ANKRD52: variants seen among roughly 807,000 people sequenced by gnomAD.
The protein encoded by ANKRD52 is serine/threonine-protein phosphatase 6 regulatory ankyrin repeat subunit C.
ANKRD52 carries 7 observed loss-of-function variants against 116.0 expected under a neutral mutation model. The observed-to-expected ratio is 0.06, with a 90% confidence interval of 0.03 to 0.11. ANKRD52 has a LOEUF of 0.11. ANKRD52 is among the 10% of genes least tolerant of loss of function. The probability of loss-of-function intolerance (pLI) is 1.00; values close to 1 mark genes in which losing one functional copy is unlikely to be tolerated. For missense variants in ANKRD52, 839 were observed against 1,408.6 expected, an observed-to-expected ratio of 0.60 and a Z score of 6.47; for synonymous variants, 528 against 578.1, an observed-to-expected ratio of 0.91 and a Z score of 1.24.
rs759376028 is a variant in ANKRD52, at chr12:56,248,714, C to A, written c.1704+45G>T. 6.5e-7 allele frequency: 1 copy of A among 1,544,614 alleles called. No homozygotes were observed. On this transcript the variant is annotated intron_variant, in intron 16 of 27. Coordinates refer to ENST00000267116, the MANE Select transcript of ANKRD52 (RefSeq NM_173595.4). This position sits in a 1 kb window ranked among gnomAD's most constrained non-coding sequence, Gnocchi z 5.1. ...AGTTTTGGAATCCACAAACCCTGTGCCCTGCCCCTGCCTCCCCTCCTGCAG... is the reference window on the plus strand; with the variant it reads ...AGTTTTGGAATCCACAAACCCTGTGACCTGCCCCTGCCTCCCCTCCTGCAG...
rs376409871 is a variant in ANKRD52, at chr12:56,252,738, C to T, written c.1301+42G>A. ...AGAATGAGGGGCCCAGACCTTTGCCCAGCTCCCTGCTCAAAGCATGGGAGA... is the reference window on the plus strand; with the variant it reads ...AGAATGAGGGGCCCAGACCTTTGCCTAGCTCCCTGCTCAAAGCATGGGAGA... On this transcript the variant is annotated intron_variant, in intron 12 of 27. Transcript: ENST00000267116. This position sits in a 1 kb window ranked among gnomAD's most constrained non-coding sequence, Gnocchi z 4.7. 32 of 1,598,428 alleles carry T rather than the reference C, an allele frequency of 2.0e-5. 1 individual carries two copies. The highest frequency in any genetic ancestry group is 1.3e-4 in the East Asian group (6 of 44,752).
Position 56,242,417 on chromosome 12 carries a change from A to T in ANKRD52, c.*725T>A. 6 of 328,050 alleles carry T rather than the reference A, an allele frequency of 1.8e-5. No homozygotes were observed. Among genetic ancestry groups the T allele is most frequent in the Non-Finnish European group, 3.3e-5 (6 of 181,676 alleles). 20.3% of individuals were successfully genotyped at this position (328,050 alleles called of 1,614,324 possible). On this transcript the variant is annotated 3_prime_UTR_variant, in exon 28 of 28. Coordinates refer to ENST00000267116, the MANE Select transcript of ANKRD52 (RefSeq NM_173595.4). The surrounding 1 kb of genome is among the most constrained non-coding windows in gnomAD (Gnocchi z 4.3). Reference sequence around the variant, plus strand: ...GGTTAGGGGCCAGGCTAGGAGTGGGAGGGAATGGGGAGGGGGCAGGCTGTG... The same window carrying T: ...GGTTAGGGGCCAGGCTAGGAGTGGGTGGGAATGGGGAGGGGGCAGGCTGTG...
In ANKRD52 at chr12:56,248,780, G is replaced by T; in HGVS notation, c.1683C>A (p.Gly561=). The part of the protein sequence containing the change: ...YTAVHYAAAY[G]NRQNLELLLE... ...ATACCAGTTCGAGGTTCTGTCTGTT[G>T]CCATAGGCGGCTGCATAGTGCACAG... The change falls in exon 16 of 28, where the codon GGC becomes GGA. Residue 561 remains glycine (G), a synonymous_variant. Transcript: ENST00000267116. This position sits in a 1 kb window ranked among gnomAD's most constrained non-coding sequence, Gnocchi z 5.1. The T allele has an allele frequency of 6.2e-7, 1 of 1,610,546 alleles. No individual in the cohort carries two copies. Among genetic ancestry groups the T allele is most frequent in the South Asian group, 1.1e-5 (1 of 90,590 alleles).
chr12:56,252,424 A>T lies in ANKRD52; in HGVS notation c.1370+78T>A. The stretch of plus-strand genomic sequence containing the variant: ...TAACATTCTCCTTATTTAAGTCTCC[A>T]ATCTAAACCCTTCCTCCCTCTACCA... On this transcript the variant is annotated intron_variant, in intron 13 of 27. Coordinates refer to ENST00000267116, the MANE Select transcript of ANKRD52 (RefSeq NM_173595.4). The surrounding 1 kb of genome is among the most constrained non-coding windows in gnomAD (Gnocchi z 4.7). The T allele has an allele frequency of 1.1e-5, 18 of 1,593,220 alleles. No individual in the cohort carries two copies. Among genetic ancestry groups the T allele is most frequent in the Non-Finnish European group, 1.5e-5 (17 of 1,161,840 alleles).
chr12:56,247,512 C>A lies in ANKRD52; in HGVS notation c.2165G>T (p.Arg722Leu). 1.9e-6 allele frequency: 3 copies of A among 1,584,952 alleles called. No individual in the cohort carries two copies. Among genetic ancestry groups the A allele is most frequent in the Non-Finnish European group, 1.7e-6 (2 of 1,164,866 alleles). ...STADAADLRG[R>L]TALHRGAVTG... ...ACTCACCCCGCGGTGGAGGGCAGTG[C>A]GGCCCCGGAGGTCAGCAGCATCAGC... Residue 722 changes from arginine (R) to leucine (L), a missense_variant, in exon 20 of 28, where the codon CGC becomes CTC. Coordinates refer to ENST00000267116, the MANE Select transcript of ANKRD52 (RefSeq NM_173595.4).
Position 56,255,398 on chromosome 12 carries a change from G to A in ANKRD52, c.462+386C>T, listed in dbSNP as rs554746407. 6.6e-6 allele frequency among the ~76,000 whole-genome samples: 1 copy of A among 152,262 alleles called. No individual in the cohort carries two copies. Among genetic ancestry groups the A allele is most frequent in the Non-Finnish European group, 1.5e-5 (1 of 68,018 alleles). On this transcript the variant is annotated intron_variant, in intron 5 of 27. Coordinates refer to ENST00000267116, the MANE Select transcript of ANKRD52 (RefSeq NM_173595.4). The surrounding 1 kb of genome is among the most constrained non-coding windows in gnomAD (Gnocchi z 4.3). ...GTAGAGACAGGGTTTCACCATGTTA[G>A]CCAGGATGATCTCGATCTCCTGATC...
rs1480182815 is a variant in ANKRD52 at position 56,243,637 on chromosome 12, A to G, written c.2980+148T>C. ...TCCTGACCCTGCAGGCTCCCCTCTG[A>G]GACTCCAGAGTACTGGTGTGGGCTC... On this transcript the variant is annotated intron_variant, in intron 27 of 27. Coordinates refer to ENST00000267116, the MANE Select transcript of ANKRD52 (RefSeq NM_173595.4). The surrounding 1 kb of genome is among the most constrained non-coding windows in gnomAD (Gnocchi z 4.6). The G allele has an allele frequency of 6.1e-6, 6 of 977,948 alleles. No individual in the cohort carries two copies. Among genetic ancestry groups the G allele is most frequent in the Non-Finnish European group, 9.0e-6 (6 of 669,426 alleles). The allele number at this position is 977,948 out of a possible 1,614,324, so 60.6% of individuals were successfully genotyped here. A position where few individuals can be genotyped will look rare whatever the true frequency, so the allele number is the denominator to read the frequency against.
rs754428197 is a variant in ANKRD52 at position 56,255,814 on chromosome 12, C to T, written c.432G>A (p.Leu144=). 5.7e-6 allele frequency: 9 copies of T among 1,584,294 alleles called. No individual in the cohort carries two copies. Among genetic ancestry groups the T allele is most frequent in the Non-Finnish European group, 7.7e-6 (9 of 1,165,834 alleles). Residue 144 remains leucine (L), a synonymous_variant, in exon 5 of 28, where the codon CTG becomes CTA. Coordinates refer to ENST00000267116, the MANE Select transcript of ANKRD52 (RefSeq NM_173595.4). This position sits in a 1 kb window ranked among gnomAD's most constrained non-coding sequence, Gnocchi z 4.3. Reference sequence around the variant, plus strand: ...GATGCCCACTATGCACTGCATGGTGCAGAGCACTGCGCCCGCTCCTGTCAG... The same window carrying T: ...GATGCCCACTATGCACTGCATGGTGTAGAGCACTGCGCCCGCTCCTGTCAG... ...NVADRSGRSA[L]HHAVHSGHLE...
chr12:56,247,896 T>C (rs961112697), intron 18 of ANKRD52, 122 bp from the exon 19 acceptor site: 51 of 1,356,628 alleles, frequency 3.8e-5, no homozygotes, highest in Non-Finnish European at 2.0e-5. Context: ...TCTCTGAGGA[T>C]AGGAAGCTAT....
In ANKRD52 at chr12:56,254,573, C is replaced by T; in HGVS notation, c.693+5G>A. The T allele has an allele frequency of 1.9e-6, 3 of 1,613,256 alleles. No homozygotes were observed. The highest frequency in any genetic ancestry group is 2.5e-6 in the Non-Finnish European group (3 of 1,179,626). On this transcript the variant is annotated splice_donor_5th_base_variant and intron_variant, in intron 7 of 27. Transcript: ENST00000267116. This position sits in a 1 kb window ranked among gnomAD's most constrained non-coding sequence, Gnocchi z 4.6. ...GTTCCCAACCCCAGAGCTCAAAGCC[C>T]TGACCTCCGCTCCCATCCGAAGCAG...
At chr12:56,247,121 G>GA (rs1408425259) in intron 20 of ANKRD52, among the ~76,000 whole-genome samples, 5 of 151,002 alleles carry the variant, frequency 3.3e-5, no homozygotes, top group Non-Finnish European at 5.9e-5. Flanking sequence ...AAGGTGGGGG[G>GA]ATCACTTGAA....
Position 56,257,088 on chromosome 12 carries a change from G to A in ANKRD52, c.191-3C>T, listed in dbSNP as rs147845834. 4.8e-3 allele frequency: 7,664 copies of A among 1,611,848 alleles called. 19 individuals carry two copies. Among genetic ancestry groups the A allele is most frequent in the Non-Finnish European group, 5.5e-3 (6,543 of 1,179,068 alleles). ...GTCCTTAGCATTGACATTAGCACCT[G>A]TGGGGATATAATTTCCTATTTTGAT... is the stretch of plus-strand genomic sequence containing the variant. On this transcript the variant is annotated splice_region_variant and splice_polypyrimidine_tract_variant and intron_variant, in intron 3 of 27. Coordinates refer to ENST00000267116, the MANE Select transcript of ANKRD52 (RefSeq NM_173595.4).
rs1314687618 is a variant in ANKRD52, at chr12:56,237,965, T to TA, written c.*5176dup. The TA allele has an allele frequency of 2.6e-6, 1 of 391,582 alleles. No individual in the cohort carries two copies. Among genetic ancestry groups the TA allele is most frequent in the African/African-American group, 2.1e-5 (1 of 47,324 alleles). The allele number at this position is 391,582 out of a possible 1,614,324, so 24.3% of individuals were successfully genotyped here. On this transcript the variant is annotated 3_prime_UTR_variant, in exon 28 of 28. Coordinates refer to ENST00000267116, the MANE Select transcript of ANKRD52 (RefSeq NM_173595.4). Reference sequence around the variant, plus strand: ...AGGGGCCTGGAGGGTGCAGGGTCATTAATCTGCGGGGAGAACATTGTGCTT... The same window carrying TA: ...AGGGGCCTGGAGGGTGCAGGGTCATTAAATCTGCGGGGAGAACATTGTGCTT...
rs1259277136 is a variant in ANKRD52 at position 56,243,386 on chromosome 12, G to C, written c.2987C>G (p.Thr996Ser). 6.2e-7 allele frequency: 1 copy of C among 1,613,756 alleles called. No individual in the cohort carries two copies. The highest frequency in any genetic ancestry group is 1.7e-5 in the Admixed American group (1 of 60,002). The change falls in exon 28 of 28, where the codon ACC (threonine) becomes AGC (serine). Residue 996 changes from threonine to serine, a missense_variant. Thr to Ser is a moderately conservative substitution (Grantham distance 58). Transcript: ENST00000267116. The surrounding 1 kb of genome is among the most constrained non-coding windows in gnomAD (Gnocchi z 4.6). ...TVLAVDEEGH[T>S]PALACAPNKD... ...GTTGGGGGCACAGGCCAGTGCTGGGGTGTGACCTGCAGGGCCAAGGGGGAG... is the reference window on the plus strand; with the variant it reads ...GTTGGGGGCACAGGCCAGTGCTGGGCTGTGACCTGCAGGGCCAAGGGGGAG...
Position 56,252,928 on chromosome 12 carries a change from C to T in ANKRD52, c.1184-31G>A. ...GGCACAGAACAGCCACAGGTCACAT[C>T]TGAGAGTGTTCAGCAGGGAGGGAAA... On this transcript the variant is annotated intron_variant, in intron 11 of 27. Coordinates refer to ENST00000267116, the MANE Select transcript of ANKRD52 (RefSeq NM_173595.4). The surrounding 1 kb of genome is among the most constrained non-coding windows in gnomAD (Gnocchi z 4.7). 6.2e-7 allele frequency: 1 copy of T among 1,609,222 alleles called. No individual in the cohort carries two copies. Among genetic ancestry groups the T allele is most frequent in the Middle Eastern group, 1.7e-4 (1 of 6,056 alleles).
Position 56,248,461 on chromosome 12 carries a change from A to G in ANKRD52, c.1776+34T>C. On this transcript the variant is annotated intron_variant, in intron 17 of 27. Coordinates refer to ENST00000267116, the MANE Select transcript of ANKRD52 (RefSeq NM_173595.4). The surrounding 1 kb of genome is among the most constrained non-coding windows in gnomAD (Gnocchi z 5.1). ...GTTAGGGCCTGGGAACAGGTAGGAC[A>G]AGGAAGGCAACAGAAAAAAGACGTG... The G allele has an allele frequency of 1.3e-6, 2 of 1,569,254 alleles. No homozygotes were observed. The highest frequency in any genetic ancestry group is 1.7e-6 in the Non-Finnish European group (2 of 1,155,342).
In ANKRD52 at chr12:56,252,920, G is replaced by C; in HGVS notation, c.1184-23C>G. 6.2e-7 allele frequency: 1 copy of C among 1,610,680 alleles called. No homozygotes were observed. Among genetic ancestry groups the C allele is most frequent in the East Asian group, 2.2e-5 (1 of 44,824 alleles). ...GACCTGGAGGCACAGAACAGCCACA[G>C]GTCACATCTGAGAGTGTTCAGCAGG... On this transcript the variant is annotated intron_variant, in intron 11 of 27. Coordinates refer to ENST00000267116, the MANE Select transcript of ANKRD52 (RefSeq NM_173595.4). The surrounding 1 kb of genome is among the most constrained non-coding windows in gnomAD (Gnocchi z 4.7).
At chr12:56,251,390 G>A (rs1181538575) in intron 15 of ANKRD52, among the ~76,000 whole-genome samples, 4 of 151,544 alleles carry the variant, frequency 2.6e-5, no homozygotes, top group African/African-American at 9.7e-5. Flanking sequence ...GATTATAGGC[G>A]TGTGCCACCA....
Position 56,252,995 on chromosome 12 carries a change from A to G in ANKRD52, c.1183+9T>C. On this transcript the variant is annotated intron_variant, in intron 11 of 27. Coordinates refer to ENST00000267116, the MANE Select transcript of ANKRD52 (RefSeq NM_173595.4). This position sits in a 1 kb window ranked among gnomAD's most constrained non-coding sequence, Gnocchi z 4.7. ...TACACCTGCCAATCCCCAGCCCATCAGCACATACCTGAGGAAAGAAGCTTA... is the reference window on the plus strand; with the variant it reads ...TACACCTGCCAATCCCCAGCCCATCGGCACATACCTGAGGAAAGAAGCTTA... The G allele has an allele frequency of 6.3e-7, 1 of 1,585,344 alleles. No individual in the cohort carries two copies. The highest frequency in any genetic ancestry group is 1.1e-5 in the South Asian group (1 of 87,152).
Sources: allele counts gnomAD v4.1 joint callset (sites outside exome capture counted in the v4.1 genomes callset), GRCh38; gene constraint gnomAD v4.1.1; non-coding constraint Gnocchi (gnomAD v3.1); transcripts MANE v1.5; gene names NCBI Gene and HGNC (gene_info 2026-07-23, HGNC 2026-07-21).